The following DNAH9 variants were observed in gnomAD, a reference collection of about 807,000 sequenced individuals.
DNAH9 encodes dynein axonemal heavy chain 9, also known as DNAH9 variant protein.
DNAH9 carries 345 observed loss-of-function variants against 471.6 expected under a neutral mutation model. The observed-to-expected ratio is 0.73, with a 90% CI of 0.67 to 0.80. DNAH9 has a LOEUF of 0.80. DNAH9 is among the 30% of genes least tolerant of loss of function. The pLI is 0.00. For synonymous variants in DNAH9, 2,093 were observed against 2,123.6 expected (o/e 0.99, Z 0.40); for missense variants, 5,407 against 5,609.2 (o/e 0.96, Z 1.15).
intron 67 of DNAH9, among the ~76,000 whole-genome samples, chr17:11,952,367 A>C (rs1975413251): frequency 8.4e-6 from 1 of 119,342 alleles, no homozygotes; most frequent in Admixed American, 1.2e-4. Flanking sequence ...TGTGTTTCCC[A>C]GGCTGGTTTC....
intron 52 of DNAH9, among the ~76,000 whole-genome samples, chr17:11,872,736 C>T (rs1294091963): frequency 1.3e-5 from 2 of 152,044 alleles, no homozygotes; most frequent in African/African-American, 2.4e-5. Context: ...TTGGCTAACA[C>T]AGTGAAACCA....
intron 6 of DNAH9, among the ~76,000 whole-genome samples, chr17:11,624,040 A>G (rs2072924932): frequency 6.6e-6 from 1 of 152,200 alleles, no homozygotes; most frequent in African/African-American, 2.4e-5. Context: ...CAGTAAGTGG[A>G]GTAATTGCAT....
intron 14 of DNAH9, among the ~76,000 whole-genome samples, chr17:11,660,338 T>G (rs2073735807): frequency 8.1e-6 from 1 of 122,726 alleles, no homozygotes; most frequent in Admixed American, 8.0e-5. Flanking sequence ...TTTTTTTTTT[T>G]TTGAGACAGA....
intron 6 of DNAH9, among the ~76,000 whole-genome samples, chr17:11,625,466 G>A (rs1373710453): frequency 1.3e-5 from 2 of 152,162 alleles, no homozygotes; most frequent in Non-Finnish European, 2.9e-5. Flanking sequence ...GCCACATAAG[G>A]TCAGTGGCGA....
chr17:11,852,814 G>GTGTATATA (rs1169950713), intron 49 of DNAH9, among the ~76,000 whole-genome samples: 17 of 92,676 alleles, frequency 1.8e-4, no homozygotes, highest in African/African-American at 5.4e-4. Context: ...GTGTGTGTGT[G>GTGTATATA]TATATATATA....
rs74253526 is a variant in DNAH9 at position 11,891,681 on chromosome 17, A to G, written c.11113-96A>G. On this transcript the variant is annotated intron_variant, in intron 57 of 68. Transcript: ENST00000262442. The stretch of plus-strand genomic sequence containing the variant: ...TGCCTGGCCTTGGGAAAAAATTTCT[A>G]TGGGCTGGAAAACTATCACATTCTT... The G allele has an allele frequency of 0.015, 21,714 of 1,440,182 alleles. 943 individuals are homozygous for G. In the East Asian group the frequency reaches 0.18, roughly 12 times the overall value. 89.2% of individuals were successfully genotyped at this position (1,440,182 alleles called of 1,614,324 possible).
At chr17:11,847,213 T>C (rs999346912) in intron 49 of DNAH9, among the ~76,000 whole-genome samples, 1 of 152,228 alleles carries the variant, frequency 6.6e-6, no homozygotes, top group Non-Finnish European at 1.5e-5. Context: ...TTTAGTTTAA[T>C]TAGATCTCAT....
chr17:11,781,096 T>A lies in DNAH9; in HGVS notation c.7640T>A (p.Met2547Lys). Residue 2547 changes from methionine (M) to lysine (K), a missense_variant, in exon 39 of 69, where the codon ATG (methionine) becomes AAG (lysine). Met to Lys is a moderately conservative substitution (Grantham distance 95). This residue lies in a region of DNAH9 where 4,636 missense variants were observed against 4,900.3 expected (regional missense o/e 0.95). Coordinates refer to ENST00000262442, the MANE Select transcript of DNAH9 (RefSeq NM_001372.4). ...AAACTCATCTATTTCATTGATGACA[T>A]GAACATGCCTGAGGTGGATGCCTAC... ...NKKLIYFIDD[M>K]NMPEVDAYGT... 6.2e-7 allele frequency: 1 copy of A among 1,614,194 alleles called. No homozygotes were observed. The highest frequency in any genetic ancestry group is 8.5e-7 in the Non-Finnish European group (1 of 1,180,030).
In DNAH9 at chr17:11,669,946, G is replaced by A. The variant is rs76926564; in HGVS notation, c.3353+152G>A. 1,673 of 689,684 alleles carry A rather than the reference G, an allele frequency of 2.4e-3. 27 individuals carry two copies. The African/African-American group carries it at 0.028, about 11-fold the overall frequency. 42.7% of individuals were successfully genotyped at this position (689,684 alleles called of 1,614,324 possible). On this transcript the variant is annotated intron_variant, in intron 17 of 68. Transcript: ENST00000262442. ...AGGTTCTAGGCTTTTGGACACCATG[G>A]TAACTTAAGTCCTGCCCTTTTCTTT...
chr17:11,930,946 A>T (rs976381048), intron 63 of DNAH9, among the ~76,000 whole-genome samples: 1 of 152,162 alleles, frequency 6.6e-6, no homozygotes, highest in Admixed American at 6.5e-5. Flanking sequence ...CGTTTCCATT[A>T]TGGGGAATTT....
chr17:11,868,430 A>G (rs961120955), intron 50 of DNAH9, among the ~76,000 whole-genome samples: 5 of 152,248 alleles, frequency 3.3e-5, no homozygotes, highest in African/African-American at 1.2e-4. Flanking sequence ...TCAGAGGACA[A>G]CAAAAGCTAC....
intron 19 of DNAH9, among the ~76,000 whole-genome samples, chr17:11,685,397 G>A (rs2074223892): frequency 6.6e-6 from 1 of 152,148 alleles, no homozygotes; most frequent in African/African-American, 2.4e-5. Context: ...GAATGGAGGG[G>A]GCCATGTTTT....
intron 49 of DNAH9, among the ~76,000 whole-genome samples, chr17:11,848,038 CTGG>C: frequency 6.6e-6 from 1 of 152,228 alleles, no homozygotes; most frequent in East Asian, 1.9e-4. Flanking sequence ...CAGAGTGGAA[CTGG>C]AACCTCCCCA....
intron 26 of DNAH9, among the ~76,000 whole-genome samples, chr17:11,712,299 T>C (rs1464474013): frequency 1.3e-5 from 2 of 151,274 alleles, no homozygotes; most frequent in Non-Finnish European, 2.9e-5. Flanking sequence ...TATTCAATTT[T>C]ATAGATATAC....
At chr17:11,901,491 T>C (rs1597805514) in intron 59 of DNAH9, among the ~76,000 whole-genome samples, 1 of 151,252 alleles carries the variant, frequency 6.6e-6, no homozygotes, top group African/African-American at 2.4e-5. Flanking sequence ...AGGTCAGGAG[T>C]TCAAGACCAG....
chr17:11,729,824 G>A (rs551266142), intron 28 of DNAH9, among the ~76,000 whole-genome samples: 8 of 152,216 alleles, frequency 5.3e-5, no homozygotes, highest in Non-Finnish European at 1.2e-4. Flanking sequence ...CTTTTCACAG[G>A]TAGGTGTGGA....
At chr17:11,600,081 T>TA (rs2072353110) in intron 1 of DNAH9, among the ~76,000 whole-genome samples, 1 of 151,962 alleles carries the variant, frequency 6.6e-6, no homozygotes, top group Admixed American at 6.6e-5. Flanking sequence ...GTTGGATAGA[T>TA]AGAGGAGGAC....
At chr17:11,746,286 C>G (rs1486521292) in intron 31 of DNAH9, among the ~76,000 whole-genome samples, 1 of 152,094 alleles carries the variant, frequency 6.6e-6, no homozygotes, top group African/African-American at 2.4e-5. Context: ...CAAGTCCTTC[C>G]TCACAAGGCA....
In DNAH9 at chr17:11,691,557, C is replaced by G. The variant is rs140316543; in HGVS notation, c.4614+1121C>G. 2.8e-3 allele frequency among the ~76,000 whole-genome samples: 425 copies of G among 152,330 alleles called. 1 individual carries two copies. The highest frequency in any genetic ancestry group is 9.6e-3 in the African/African-American group (401 of 41,570). On this transcript the variant is annotated intron_variant, in intron 20 of 68. Transcript: ENST00000262442. ...AAAACGTAATAAAATCAGCCAGGCT[C>G]TAACACCCTAACTGGTAACTATATT...
Sources: gnomAD v4.1 joint callset for allele counts (sites outside exome capture counted in the v4.1 genomes callset) on GRCh38, gnomAD v4.1.1 for gene constraint, gnomAD v4.1.1 regional missense constraint, MANE v1.5 for transcripts, NCBI Gene and HGNC (gene_info 2026-07-23, HGNC 2026-07-21) for gene names.